The following SLC44A5 variants were observed in gnomAD, a reference collection of about 807,000 sequenced individuals.
The protein encoded by SLC44A5 is choline transporter-like protein 5.
Under a neutral mutation model 101.8 loss-of-function variants are expected in SLC44A5, and 57 were observed. That is an observed-to-expected ratio of 0.56 (90% confidence interval 0.45 to 0.70). The LOEUF is 0.70. SLC44A5 is among the 30% of genes least tolerant of loss of function. The pLI is 0.00. For synonymous variants in SLC44A5, 281 were observed against 290.9 expected, an observed-to-expected ratio of 0.97 and a Z score of 0.35; for missense variants, 737 against 853.1, an observed-to-expected ratio of 0.86 and a Z score of 1.70.
the SLC44A5 span, among the ~76,000 whole-genome samples, chr1:75,675,301 T>C: frequency 3.9e-5 from 6 of 152,328 alleles, no homozygotes; most frequent in East Asian, 7.7e-4. Context: ...CAGTGGTTCA[T>C]AGTTCTTCTT....
chr1:75,490,056 T>A (rs1388383516), intron 2 of SLC44A5, among the ~76,000 whole-genome samples: 1 of 149,850 alleles, frequency 6.7e-6, no homozygotes, highest in Non-Finnish European at 1.5e-5. Flanking sequence ...TAAAAAAAAA[T>A]AAAGTTAATA....
intron 22 of SLC44A5, among the ~76,000 whole-genome samples, chr1:75,213,177 T>C (rs987629217): frequency 2.6e-5 from 4 of 152,186 alleles, no homozygotes; most frequent in Non-Finnish European, 5.9e-5. Flanking sequence ...CTTCCTGACA[T>C]ACCTTCCGCA....
chr1:75,523,828 G>A (rs1670275924), intron 2 of SLC44A5, among the ~76,000 whole-genome samples: 1 of 152,168 alleles, frequency 6.6e-6, no homozygotes. Context: ...CTAAGAAACA[G>A]AGGCCAAGGT....
At chr1:75,368,196 A>G (rs556224619) in intron 3 of SLC44A5, among the ~76,000 whole-genome samples, 2 of 152,334 alleles carry the variant, frequency 1.3e-5, no homozygotes, top group African/African-American at 4.8e-5. Flanking sequence ...CATAAATATC[A>G]CATTTTACAA....
the SLC44A5 span, among the ~76,000 whole-genome samples, chr1:75,648,074 T>C: frequency 3.3e-5 from 5 of 152,182 alleles, no homozygotes; most frequent in African/African-American, 9.7e-5. Context: ...TAATCCAAAT[T>C]ATAATCCCCA....
upstream of SLC44A5, among the ~76,000 whole-genome samples, chr1:75,612,041 C>A (rs1363166227): frequency 6.6e-6 from 1 of 152,068 alleles, no homozygotes; most frequent in African/African-American, 2.4e-5. Context: ...TTAAATTAAT[C>A]CTCATTCTCT....
chr1:75,608,806 G>T (rs1455959337), intron 1 of SLC44A5, among the ~76,000 whole-genome samples: 2 of 151,578 alleles, frequency 1.3e-5, no homozygotes, highest in African/African-American at 4.8e-5. Flanking sequence ...CTCGTCAATT[G>T]GTCCTACCCT....
chr1:75,526,421 T>G (rs1052562358), intron 2 of SLC44A5, among the ~76,000 whole-genome samples: 13 of 152,310 alleles, frequency 8.5e-5, no homozygotes, highest in African/African-American at 3.1e-4. Context: ...AAAGGCCGGT[T>G]CCAGGCCAAG....
chr1:75,362,648 T>C (rs1415144620), intron 3 of SLC44A5, among the ~76,000 whole-genome samples: 1 of 152,096 alleles, frequency 6.6e-6, no homozygotes, highest in African/African-American at 2.4e-5. Flanking sequence ...TTTGTACCAC[T>C]GTGAACAGAA....
intron 4 of SLC44A5, among the ~76,000 whole-genome samples, chr1:75,320,448 T>C (rs561724221): frequency 6.6e-6 from 1 of 152,246 alleles, no homozygotes; most frequent in East Asian, 1.9e-4. Context: ...CAACACACCA[T>C]TTATTTGCAA....
At chr1:75,408,839 C>A (rs1442575136) in intron 2 of SLC44A5, among the ~76,000 whole-genome samples, 1 of 151,946 alleles carries the variant, frequency 6.6e-6, no homozygotes, top group Non-Finnish European at 1.5e-5. Flanking sequence ...CACATGTATC[C>A]CAGAACTTAA....
At chr1:75,641,858 A>G in the SLC44A5 span, 11 of 1,515,246 alleles carry the variant, frequency 7.3e-6, no homozygotes, top group Non-Finnish European at 1.0e-5. Flanking sequence ...CTCTTCAAAT[A>G]CCACTACTGT....
intron 2 of SLC44A5, among the ~76,000 whole-genome samples, chr1:75,452,629 C>T (rs1570321603): frequency 6.6e-6 from 1 of 152,310 alleles, no homozygotes; most frequent in East Asian, 1.9e-4. Context: ...AAACCAGACA[C>T]ATCTGTCTAT....
At chr1:75,682,528 G>C in the SLC44A5 span, among the ~76,000 whole-genome samples, 7 of 152,020 alleles carry the variant, frequency 4.6e-5, no homozygotes, top group Non-Finnish European at 1.0e-4. Context: ...TTAATAAATG[G>C]TGCTGAGAAA....
chr1:75,357,258 G>T (rs554966101), intron 3 of SLC44A5: 1 of 455,150 alleles, frequency 2.2e-6, no homozygotes, highest in South Asian at 1.6e-5. Context: ...CCTGTATATC[G>T]TCACTAAAAG....
chr1:75,432,353 G>T (rs1286388770), intron 2 of SLC44A5, among the ~76,000 whole-genome samples: 1 of 152,050 alleles, frequency 6.6e-6, no homozygotes, highest in Non-Finnish European at 1.5e-5. Context: ...TCACACAGGG[G>T]GAAACAGTCA....
the SLC44A5 span, among the ~76,000 whole-genome samples, chr1:75,644,630 T>TTA: frequency 7.7e-5 from 8 of 103,356 alleles, no homozygotes; most frequent in African/African-American, 1.6e-4. Flanking sequence ...ATATAAGTCT[T>TTA]TATATATATA....
chr1:75,261,834 A>G (rs1026041485), intron 6 of SLC44A5, among the ~76,000 whole-genome samples: 1 of 151,770 alleles, frequency 6.6e-6, no homozygotes, highest in Non-Finnish European at 1.5e-5. Flanking sequence ...AGTCAGCTTC[A>G]TCCCAGGGAT....
chr1:75,589,976 G>A (rs1488479399), intron 1 of SLC44A5, among the ~76,000 whole-genome samples: 1 of 152,064 alleles, frequency 6.6e-6, no homozygotes. Context: ...AATGTGAAAG[G>A]CAGTCTAGGC....
Sources: gnomAD v4.1 joint callset for allele counts (sites outside exome capture counted in the v4.1 genomes callset) on GRCh38, gnomAD v4.1.1 for gene constraint, MANE v1.5 for transcripts, NCBI Gene and HGNC (gene_info 2026-07-23, HGNC 2026-07-21) for gene names.